Variants in KCNIP1 observed in about 807,000 individuals in gnomAD.
KCNIP1 encodes the protein A-type potassium channel modulatory protein KCNIP1.
In KCNIP1, 18 loss-of-function variants were observed where a neutral mutation model predicts 33.0. The observed-to-expected ratio is 0.55, with a 90% confidence interval of 0.38 to 0.81. The LOEUF is 0.81. KCNIP1 is among the 30% of genes least tolerant of loss of function. KCNIP1 has a pLI of 0.00. For synonymous variants in KCNIP1, 93 were observed against 98.3 expected (o/e 0.95, Z 0.32); for missense variants, 238 against 271.6 (o/e 0.88, Z 0.87).
Position 170,504,217 on chromosome 5 carries a change from G to A in KCNIP1, c.-356G>A. On this transcript the variant is annotated 5_prime_UTR_variant, in exon 1 of 8. Transcript: ENST00000328939. The surrounding 1 kb of genome is among the most constrained non-coding windows in gnomAD (Gnocchi z 6.0). Reference sequence around the variant, plus strand: ...GGCTCCCGCACCGCACGCGGCGCTGGCTCGGCAGCCTCGGCCGGGCGGCCG... The same window carrying A: ...GGCTCCCGCACCGCACGCGGCGCTGACTCGGCAGCCTCGGCCGGGCGGCCG... 9.5e-7 allele frequency: 1 copy of A among 1,053,934 alleles called. No homozygotes were observed. Among genetic ancestry groups the A allele is most frequent in the Non-Finnish European group, 1.1e-6 (1 of 875,324 alleles). 65.3% of individuals were successfully genotyped at this position (1,053,934 alleles called of 1,614,324 possible).
intron 1 of KCNIP1, among the ~76,000 whole-genome samples, chr5:170,617,189 C>T (rs1042837588): frequency 4.6e-5 from 7 of 152,038 alleles, no homozygotes; most frequent in Non-Finnish European, 8.8e-5. Flanking sequence ...GACAAGGTAG[C>T]ATTACAAGAT....
intron 1 of KCNIP1, among the ~76,000 whole-genome samples, chr5:170,521,948 C>A (rs2113309184): frequency 6.6e-6 from 1 of 152,332 alleles, no homozygotes; most frequent in East Asian, 1.9e-4. Flanking sequence ...AACCCTAAGG[C>A]ATCCTCTACA....
chr5:170,354,814 T>C (rs949763967), intron 1 of KCNIP1, among the ~76,000 whole-genome samples: 2 of 152,134 alleles, frequency 1.3e-5, no homozygotes, highest in Non-Finnish European at 2.9e-5. Context: ...GTGGAGATGA[T>C]GTCAAGGGAG....
At chr5:170,363,054 C>T (rs1190532021) in intron 1 of KCNIP1, among the ~76,000 whole-genome samples, 1 of 152,204 alleles carries the variant, frequency 6.6e-6, no homozygotes, top group Non-Finnish European at 1.5e-5. Context: ...GAAGGGCCAT[C>T]GCCATCCTCT....
intron 1 of KCNIP1, among the ~76,000 whole-genome samples, chr5:170,666,338 G>A (rs1459852422): frequency 6.6e-6 from 1 of 152,158 alleles, no homozygotes; most frequent in Non-Finnish European, 1.5e-5. Flanking sequence ...GCGTGTGTGT[G>A]TGTTTGAGCA....
At chr5:170,389,247 C>G (rs527581319) in intron 1 of KCNIP1, 2 of 152,240 alleles carry the variant, frequency 1.3e-5, no homozygotes, top group Admixed American at 6.5e-5. Flanking sequence ...TGCTTTCAGG[C>G]CCGGTACTCA....
At chr5:170,627,502 C>A (rs1759878436) in intron 1 of KCNIP1, among the ~76,000 whole-genome samples, 1 of 152,208 alleles carries the variant, frequency 6.6e-6, no homozygotes, top group African/African-American at 2.4e-5. Flanking sequence ...TGGCATGGAG[C>A]TAAGGACAGG....
chr5:170,615,087 C>T (rs990632328), intron 1 of KCNIP1, among the ~76,000 whole-genome samples: 8 of 152,152 alleles, frequency 5.3e-5, no homozygotes, highest in African/African-American at 1.2e-4. Context: ...TGGTGGTAGG[C>T]GCCTGTAATC....
chr5:170,400,975 G>A (rs980548845), intron 1 of KCNIP1, among the ~76,000 whole-genome samples: 9 of 152,210 alleles, frequency 5.9e-5, no homozygotes, highest in Admixed American at 1.3e-4. Context: ...AGTGATATTG[G>A]ATAGGTATCT....
intron 4 of KCNIP1, among the ~76,000 whole-genome samples, chr5:170,722,388 G>A (rs548762234): frequency 1.4e-4 from 22 of 152,246 alleles, no homozygotes; most frequent in African/African-American, 5.3e-4. Flanking sequence ...CACGTCCTCA[G>A]CCACTAGACC....
chr5:170,676,931 A>C (rs1352494877), intron 1 of KCNIP1, among the ~76,000 whole-genome samples: 3 of 152,202 alleles, frequency 2.0e-5, no homozygotes, highest in Admixed American at 2.0e-4. Flanking sequence ...CCTGGAAGAA[A>C]GATCTGTGGC....
At chr5:170,639,197 A>C (rs1049160560) in intron 1 of KCNIP1, 1 of 152,220 alleles carries the variant, frequency 6.6e-6, no homozygotes, top group African/African-American at 2.4e-5. Flanking sequence ...CTCCAGAATG[A>C]CATTCGACTC....
At chr5:170,449,085 C>T (rs1483697812) in intron 1 of KCNIP1, among the ~76,000 whole-genome samples, 3 of 152,182 alleles carry the variant, frequency 2.0e-5, no homozygotes, top group Non-Finnish European at 4.4e-5. Context: ...AAATGAGACA[C>T]TAGCCCTCTC....
rs577370864 is a variant in KCNIP1 at position 170,429,689 on chromosome 5, C to G, written c.88+75725C>G. On this transcript the variant is annotated intron_variant, in intron 1 of 7. Transcript: ENST00000377360. ...ACATCCATGTATACAGGTTATTTAT[C>G]TCCCATTTATGGGTGGGAACATGTG... is the stretch of plus-strand genomic sequence containing the variant. 1.4e-4 allele frequency among the ~76,000 whole-genome samples: 22 copies of G among 152,336 alleles called. No homozygotes were observed. In the East Asian group the frequency reaches 3.5e-3, roughly 24 times the overall value.
intron 7 of KCNIP1, among the ~76,000 whole-genome samples, chr5:170,735,157 T>A (rs1764337189): frequency 2.0e-5 from 3 of 152,238 alleles, no homozygotes; most frequent in African/African-American, 7.2e-5. Context: ...ACTTTATTGA[T>A]TTTTTTGAAA....
At chr5:170,536,100 A>G (rs1215684678) in intron 1 of KCNIP1, among the ~76,000 whole-genome samples, 1 of 152,258 alleles carries the variant, frequency 6.6e-6, no homozygotes, top group Admixed American at 6.5e-5. Context: ...TGCCTCACAC[A>G]TGGTAAGCAT....
chr5:170,458,581 T>G (rs1756440486), intron 1 of KCNIP1, among the ~76,000 whole-genome samples: 2 of 152,202 alleles, frequency 1.3e-5, no homozygotes, highest in Non-Finnish European at 2.9e-5. Context: ...GCCAAGAATT[T>G]TGTAGCCAGT....
At chr5:170,666,439 C>G (rs150141181) in intron 1 of KCNIP1, among the ~76,000 whole-genome samples, 350 of 152,268 alleles carry the variant, frequency 2.3e-3, no homozygotes, top group Admixed American at 3.7e-3. Context: ...CCTCCAAGAA[C>G]GCCTGATTCC....
At chr5:170,680,275 C>T (rs1212671202) in intron 1 of KCNIP1, among the ~76,000 whole-genome samples, 1 of 152,174 alleles carries the variant, frequency 6.6e-6, no homozygotes, top group Non-Finnish European at 1.5e-5. Flanking sequence ...ACCAGGCTCA[C>T]TGCTGACAAT....
Sources: gnomAD v4.1 joint callset for allele counts (sites outside exome capture counted in the v4.1 genomes callset) on GRCh38, gnomAD v4.1.1 for gene constraint, Gnocchi (gnomAD v3.1) non-coding constraint, MANE v1.5 for transcripts, NCBI Gene and HGNC (gene_info 2026-07-23, HGNC 2026-07-21) for gene names.